SDHAF3: variants seen among roughly 807,000 people sequenced by gnomAD.
SDHAF3 encodes succinate dehydrogenase assembly factor 3, mitochondrial.
Under a neutral mutation model 11.5 loss-of-function variants are expected in SDHAF3, and 18 were observed. The ratio of observed to expected loss-of-function variants is 1.56; its 90% CI spans 1.08 to 2.32. SDHAF3 has a LOEUF of 2.32. SDHAF3 is among the 30% of genes most tolerant of loss of function. The pLI is 0.00. For missense variants in SDHAF3, 200 were observed against 154.4 expected, an observed-to-expected ratio of 1.30 and a Z score of -1.57; for synonymous variants, 72 against 59.3, an observed-to-expected ratio of 1.21 and a Z score of -0.99.
intron 1 of SDHAF3, among the ~76,000 whole-genome samples, chr7:97,172,449 T>C (rs1789615217): frequency 6.6e-6 from 1 of 152,198 alleles, no homozygotes; most frequent in South Asian, 2.1e-4. Context: ...TTCTTGTCTT[T>C]CTGTGACTCT....
intron 1 of SDHAF3, among the ~76,000 whole-genome samples, chr7:97,171,010 C>T (rs936907254): frequency 6.6e-6 from 1 of 151,830 alleles, no homozygotes. Context: ...GTTCTTTTTT[C>T]TTTTTCTATA....
At chr7:97,162,543 C>A (rs187930155) in intron 1 of SDHAF3, among the ~76,000 whole-genome samples, 1 of 152,230 alleles carries the variant, frequency 6.6e-6, no homozygotes, top group East Asian at 1.9e-4. Flanking sequence ...ATAAATTTCC[C>A]TCTACACACT....
At chr7:97,174,985 A>G (rs1430006729) in intron 1 of SDHAF3, among the ~76,000 whole-genome samples, 1 of 152,150 alleles carries the variant, frequency 6.6e-6, no homozygotes, top group African/African-American at 2.4e-5. Context: ...AATTAGATGT[A>G]GAGGCTTACT....
intron 1 of SDHAF3, among the ~76,000 whole-genome samples, chr7:97,179,372 G>C (rs188327820): frequency 2.0e-5 from 3 of 151,932 alleles, no homozygotes; most frequent in Non-Finnish European, 2.9e-5. Context: ...AGTTTCATCC[G>C]TGTTGATACA....
At chr7:97,162,580 G>T (rs778496617) in intron 1 of SDHAF3, among the ~76,000 whole-genome samples, 1 of 152,062 alleles carries the variant, frequency 6.6e-6, no homozygotes, top group South Asian at 2.1e-4. Flanking sequence ...AGAGATTCTG[G>T]TACATTGTGT....
chr7:97,176,706 C>G (rs960804011), intron 1 of SDHAF3, among the ~76,000 whole-genome samples: 5 of 152,020 alleles, frequency 3.3e-5, no homozygotes, highest in African/African-American at 1.2e-4. Context: ...GATGTTCATT[C>G]ATTGATCATT....
intron 1 of SDHAF3, among the ~76,000 whole-genome samples, chr7:97,126,484 G>C (rs1791579354): frequency 6.6e-6 from 1 of 152,186 alleles, no homozygotes; most frequent in Admixed American, 6.5e-5. Flanking sequence ...CCTGATTGGG[G>C]CTGCTGCCTT....
chr7:97,119,305 A>G (rs1456467613), intron 1 of SDHAF3, among the ~76,000 whole-genome samples: 2 of 152,210 alleles, frequency 1.3e-5, no homozygotes, highest in African/African-American at 4.8e-5. Flanking sequence ...CTTAAAATGT[A>G]AGCACATGGA....
intron 1 of SDHAF3, among the ~76,000 whole-genome samples, chr7:97,135,769 G>A (rs1791754760): frequency 6.9e-6 from 1 of 143,938 alleles, no homozygotes; most frequent in South Asian, 2.2e-4. Flanking sequence ...CTCACTGCAA[G>A]CTCCGCCTCC....
chr7:97,126,735 A>G (rs944694010), intron 1 of SDHAF3, among the ~76,000 whole-genome samples: 10 of 151,292 alleles, frequency 6.6e-5, no homozygotes, highest in Admixed American at 2.0e-4. Context: ...GCTGGCCTTC[A>G]TGGGAGTGGG....
At chr7:97,117,943 C>T (rs1388506949) in intron 1 of SDHAF3, 46 bp downstream of exon 1, 10 of 1,597,676 alleles carry the variant, frequency 6.3e-6, no homozygotes, top group Admixed American at 5.1e-5. Flanking sequence ...TGGGGTTCCT[C>T]GGTGTCCAGG....
chr7:97,138,413 T>A (rs574477963), intron 1 of SDHAF3, among the ~76,000 whole-genome samples: 2 of 152,334 alleles, frequency 1.3e-5, no homozygotes, highest in East Asian at 3.9e-4. Context: ...TCCACCTGCC[T>A]TGGCCTCCCA....
rs751699844 is a variant in SDHAF3 at position 97,177,365 on chromosome 7, G to A, written c.175-3647G>A. 5.6e-4 allele frequency among the ~76,000 whole-genome samples: 85 copies of A among 152,018 alleles called. 1 individual carries two copies. The highest frequency in any genetic ancestry group is 8.1e-4 in the Non-Finnish European group (55 of 67,976). ...AAATACAAAAAATTTACCTGGGCGT[G>A]ATGGTGGGCATCTGTAGTCCCATCT... On this transcript the variant is annotated intron_variant, in intron 1 of 1. Transcript: ENST00000432641.
chr7:97,163,168 CTTT>C (rs58956333), intron 1 of SDHAF3, among the ~76,000 whole-genome samples: 2 of 125,008 alleles, frequency 1.6e-5, no homozygotes, highest in Non-Finnish European at 3.2e-5. Context: ...GTTTAAAGTC[CTTT>C]TTTTTTTTTT....
At chr7:97,147,355 T>C (rs1373111305) in intron 1 of SDHAF3, among the ~76,000 whole-genome samples, 1 of 152,240 alleles carries the variant, frequency 6.6e-6, no homozygotes, top group Non-Finnish European at 1.5e-5. Flanking sequence ...TTCAGTAAAT[T>C]TGTCTTCTAG....
intron 1 of SDHAF3, among the ~76,000 whole-genome samples, chr7:97,130,658 C>T (rs761926777): frequency 2.1e-4 from 32 of 152,306 alleles, no homozygotes; most frequent in South Asian, 2.1e-4. Flanking sequence ...GGGAGGGCTA[C>T]GACCATTTGG....
chr7:97,181,633 A>C lies in SDHAF3; in HGVS notation c.*418A>C, dbSNP rs766729383. On this transcript the variant is annotated 3_prime_UTR_variant, in exon 2 of 2. Coordinates refer to ENST00000432641, the MANE Select transcript of SDHAF3 (RefSeq NM_020186.3). The stretch of plus-strand genomic sequence containing the variant: ...TTTATCACTTCTAGTTTAATAATAC[A>C]TACATGATTTTTCTTCTGAATGTCT... 1 of 156,946 alleles carries C rather than the reference A, an allele frequency of 6.4e-6. No homozygotes were observed. Among genetic ancestry groups the C allele is most frequent in the Non-Finnish European group, 1.4e-5 (1 of 70,860 alleles). 9.7% of individuals were successfully genotyped at this position (156,946 alleles called of 1,614,324 possible).
intron 1 of SDHAF3, among the ~76,000 whole-genome samples, chr7:97,124,755 G>A (rs1200837431): frequency 6.6e-6 from 1 of 152,052 alleles, no homozygotes; most frequent in African/African-American, 2.4e-5. Flanking sequence ...TTTCTTTGTA[G>A]CAATTGTGAA....
intron 1 of SDHAF3, among the ~76,000 whole-genome samples, chr7:97,132,000 T>C (rs180848262): frequency 4.3e-4 from 66 of 152,332 alleles, no homozygotes; most frequent in Non-Finnish European, 9.0e-4. Flanking sequence ...ATATAAACTT[T>C]ATCTTTGGAT....
Sources: allele counts gnomAD v4.1 joint callset (sites outside exome capture counted in the v4.1 genomes callset), GRCh38; gene constraint gnomAD v4.1.1; transcripts MANE v1.5; gene names NCBI Gene and HGNC (gene_info 2026-07-23, HGNC 2026-07-21).